RIT2: variants seen among roughly 807,000 people sequenced by gnomAD.
The protein encoded by RIT2 is GTP-binding protein Rit2.
Under a neutral mutation model 23.7 loss-of-function variants are expected in RIT2, and 24 were observed. That is an observed-to-expected ratio of 1.01 (90% CI 0.73 to 1.43). The LOEUF is 1.43. RIT2 is among the 40% of genes most tolerant of loss of function. The probability of loss-of-function intolerance (pLI) is 0.00; values close to 1 mark genes in which losing one functional copy is unlikely to be tolerated. For missense variants in RIT2, 236 were observed against 266.9 expected (o/e 0.88, Z 0.81); for synonymous variants, 107 against 91.1 (o/e 1.17, Z -0.99).
intron 3 of RIT2, among the ~76,000 whole-genome samples, chr18:42,942,647 A>G (rs1909631996): frequency 6.6e-6 from 1 of 152,062 alleles, no homozygotes; most frequent in Non-Finnish European, 1.5e-5. Context: ...AGCTGTGTCC[A>G]TTAGGTGAAC....
At chr18:43,029,704 C>G (rs556443694) in intron 2 of RIT2, among the ~76,000 whole-genome samples, 1 of 151,824 alleles carries the variant, frequency 6.6e-6, no homozygotes, top group Non-Finnish European at 1.5e-5. Flanking sequence ...TTGCTTTGAA[C>G]AATGCCTGAA....
At chr18:42,932,639 C>T (rs932218194) in intron 3 of RIT2, among the ~76,000 whole-genome samples, 1 of 152,000 alleles carries the variant, frequency 6.6e-6, no homozygotes, top group Admixed American at 6.6e-5. Context: ...TCTAGGGAAT[C>T]GAGAATTTAG....
Position 43,115,625 on chromosome 18 carries a change from T to C in RIT2, c.-106A>G. On this transcript the variant is annotated 5_prime_UTR_variant, in exon 1 of 5. Coordinates refer to ENST00000326695, the MANE Select transcript of RIT2 (RefSeq NM_002930.4). The stretch of plus-strand genomic sequence containing the variant: ...AACTGTGTCAAAGCAAAGGTTTTAG[T>C]ACGAGGTAAGAACCATCAGCGTCGG... The C allele has an allele frequency of 6.9e-7, 1 of 1,453,760 alleles. No homozygotes were observed. Among genetic ancestry groups the C allele is most frequent in the Non-Finnish European group, 9.0e-7 (1 of 1,105,010 alleles). 90.1% of individuals were successfully genotyped at this position (1,453,760 alleles called of 1,614,324 possible).
chr18:43,009,612 G>A (rs991018026), intron 2 of RIT2, among the ~76,000 whole-genome samples: 30 of 151,546 alleles, frequency 2.0e-4, no homozygotes, highest in Admixed American at 3.3e-4. Flanking sequence ...TATTTTCATG[G>A]TCTTATTAAA....
intron 2 of RIT2, among the ~76,000 whole-genome samples, chr18:43,009,168 A>C (rs1483353444): frequency 6.6e-6 from 1 of 151,738 alleles, no homozygotes; most frequent in Admixed American, 6.6e-5. Context: ...ATCTAAAAAA[A>C]CCGAAGACAT....
intron 4 of RIT2, among the ~76,000 whole-genome samples, chr18:42,922,563 G>C (rs1274363830): frequency 6.6e-6 from 1 of 152,140 alleles, no homozygotes; most frequent in Non-Finnish European, 1.5e-5. Context: ...CATGGGAATG[G>C]AATTGTGATA....
rs898742177 is a variant in RIT2, at chr18:43,096,025, GA to G, written c.103+19391del. On this transcript the variant is annotated intron_variant, in intron 1 of 4. Coordinates refer to ENST00000326695, the MANE Select transcript of RIT2 (RefSeq NM_002930.4). ...TTTGCAAAGGTGTTAATAATTAGAA[GA>G]AAAAAACACTTGTATAGCACATGTT... Among the ~76,000 whole-genome samples, 7 of 151,644 alleles carry G rather than the reference GA, an allele frequency of 4.6e-5. No homozygotes were observed. The East Asian group carries it at 5.8e-4, about 13-fold the overall frequency.
chr18:42,923,367 G>A (rs1909099635), intron 4 of RIT2: 1 of 571,480 alleles, frequency 1.7e-6, no homozygotes, highest in Middle Eastern at 4.8e-4. Context: ...GCACTAGTAA[G>A]GGCACTCTGC....
chr18:42,914,412 AT>A (rs1908849207), intron 4 of RIT2, among the ~76,000 whole-genome samples: 1 of 152,122 alleles, frequency 6.6e-6, no homozygotes, highest in African/African-American at 2.4e-5. Flanking sequence ...GAAAGGGTGA[AT>A]AAACAAATTG....
intron 3 of RIT2, among the ~76,000 whole-genome samples, chr18:42,951,518 C>T (rs746854888): frequency 1.3e-5 from 2 of 151,860 alleles, no homozygotes; most frequent in Non-Finnish European, 2.9e-5. Flanking sequence ...TACTCCAAAC[C>T]TCAGCATCAC....
intron 4 of RIT2, among the ~76,000 whole-genome samples, chr18:42,854,210 C>A (rs532196622): frequency 1.3e-5 from 2 of 152,194 alleles, no homozygotes; most frequent in South Asian, 4.1e-4. Context: ...GTACATGTAC[C>A]TTTATAGTTT....
At chr18:43,109,023 T>A (rs937360146) in intron 1 of RIT2, among the ~76,000 whole-genome samples, 1 of 152,258 alleles carries the variant, frequency 6.6e-6, no homozygotes, top group African/African-American at 2.4e-5. Flanking sequence ...AATGATGCAC[T>A]TGGTTGCTTG....
At chr18:42,778,490 A>G (rs1192034247) in intron 4 of RIT2, among the ~76,000 whole-genome samples, 1 of 152,230 alleles carries the variant, frequency 6.6e-6, no homozygotes, top group Non-Finnish European at 1.5e-5. Flanking sequence ...ATTGAAAATT[A>G]AGAAAGACCA....
At chr18:43,029,584 G>A (rs1412873046) in intron 2 of RIT2, among the ~76,000 whole-genome samples, 1 of 151,852 alleles carries the variant, frequency 6.6e-6, no homozygotes, top group East Asian at 1.9e-4. Context: ...AGAAAAATTG[G>A]ACTCTAGACA....
Position 42,911,934 on chromosome 18 carries a change from A to T in RIT2, c.426+11638T>A, listed in dbSNP as rs143548573. Among the ~76,000 whole-genome samples the T allele has an allele frequency of 8.4e-3, 1,278 of 152,058 alleles. 13 individuals carry two copies. The highest frequency in any genetic ancestry group is 0.029 in the African/African-American group (1,188 of 41,564). On this transcript the variant is annotated intron_variant, in intron 4 of 4. Coordinates refer to ENST00000326695, the MANE Select transcript of RIT2 (RefSeq NM_002930.4). ...AAGGGAATACTTCCTAATTCATATT[A>T]TGAAGCCAGTATTACACTGATACCC...
At chr18:43,097,585 G>A (rs1469944729) in intron 1 of RIT2, among the ~76,000 whole-genome samples, 7 of 151,894 alleles carry the variant, frequency 4.6e-5, no homozygotes, top group Non-Finnish European at 8.8e-5. Context: ...AGGTATACTT[G>A]GGAGACAATG....
chr18:43,090,852 C>G (rs983554724), intron 1 of RIT2, among the ~76,000 whole-genome samples: 3 of 151,712 alleles, frequency 2.0e-5, no homozygotes, highest in African/African-American at 4.8e-5. Flanking sequence ...GAGGGGAATA[C>G]CACCAGTGGG....
In RIT2 at chr18:42,778,467, T is replaced by C. The variant is rs1019994549; in HGVS notation, c.427-34747A>G. On this transcript the variant is annotated intron_variant, in intron 4 of 4. Transcript: ENST00000326695. ...ATCTACTGGACTTTATAAACACTTA[T>C]ACTCCATATAAAATTGAAAATTAAG... 5.3e-5 allele frequency among the ~76,000 whole-genome samples: 8 copies of C among 152,342 alleles called. No homozygotes were observed. In the East Asian group the frequency reaches 1.2e-3, roughly 22 times the overall value.
chr18:42,857,857 G>T (rs1165104100), intron 4 of RIT2, among the ~76,000 whole-genome samples: 1 of 152,108 alleles, frequency 6.6e-6, no homozygotes, highest in Non-Finnish European at 1.5e-5. Flanking sequence ...ATCAGTCTTG[G>T]GCTACATAGA....
Sources: allele counts gnomAD v4.1 joint callset (sites outside exome capture counted in the v4.1 genomes callset), GRCh38; gene constraint gnomAD v4.1.1; transcripts MANE v1.5; gene names NCBI Gene and HGNC (gene_info 2026-07-23, HGNC 2026-07-21).